Variants in PIK3C2G observed in about 807,000 individuals in gnomAD.
PIK3C2G encodes phosphatidylinositol 3-kinase C2 domain-containing subunit gamma.
In PIK3C2G, 168 loss-of-function variants were observed where a neutral mutation model predicts 181.1. The ratio of observed to expected loss-of-function variants is 0.93; its 90% CI spans 0.82 to 1.05. The LOEUF (loss-of-function observed/expected upper bound fraction) is 1.05. Among genes scored for constraint, PIK3C2G ranks in the 50% least tolerant of loss-of-function variants. The pLI, the probability that PIK3C2G is intolerant of heterozygous loss-of-function variation, is 0.00. For synonymous variants in PIK3C2G, 573 were observed against 592.2 expected (o/e 0.97, Z 0.47); for missense variants, 1,869 against 1,732.8 (o/e 1.08, Z -1.40).
intron 1 of PIK3C2G, among the ~76,000 whole-genome samples, chr12:18,271,625 T>A (rs1948748238): frequency 6.6e-6 from 1 of 152,146 alleles, no homozygotes; most frequent in African/African-American, 2.4e-5. Context: ...TTCTCCTACC[T>A]CTCAGACTAT....
At chr12:18,594,951 G>T (rs570088338) in intron 30 of PIK3C2G, among the ~76,000 whole-genome samples, 6 of 151,906 alleles carry the variant, frequency 3.9e-5, no homozygotes, top group Non-Finnish European at 5.9e-5. Context: ...AAAAATTTAG[G>T]ATTATTATTG....
intron 22 of PIK3C2G, among the ~76,000 whole-genome samples, chr12:18,500,673 GT>G (rs1941397792): frequency 2.0e-5 from 3 of 152,144 alleles, no homozygotes; most frequent in Admixed American, 2.0e-4. Context: ...AATCAGCGCC[GT>G]GTCAAAACAG....
At chr12:18,686,311 T>A in the PIK3C2G span, among the ~76,000 whole-genome samples, 1 of 152,010 alleles carries the variant, frequency 6.6e-6, no homozygotes, top group Non-Finnish European at 1.5e-5. Context: ...CTTAAAAGTC[T>A]GAATTTTATC....
At chr12:18,604,503 C>T (rs184873260) in intron 30 of PIK3C2G, among the ~76,000 whole-genome samples, 27 of 152,248 alleles carry the variant, frequency 1.8e-4, no homozygotes, top group African/African-American at 6.3e-4. Flanking sequence ...AGAAAGTCAA[C>T]TGAGAAACAA....
At chr12:18,293,877 T>A in intron 4 of PIK3C2G, 24 bp from the exon 5 acceptor site, 1 of 1,173,662 alleles carries the variant, frequency 8.5e-7, no homozygotes, top group Non-Finnish European at 1.3e-6. Context: ...TTTATTGACT[T>A]TTATTATTCC....
intron 18 of PIK3C2G, among the ~76,000 whole-genome samples, chr12:18,437,633 A>G (rs1946516914): frequency 1.3e-5 from 2 of 151,978 alleles, no homozygotes; most frequent in Non-Finnish European, 2.9e-5. Context: ...CACTAGGCCC[A>G]TATGTTCCTG....
the PIK3C2G span, chr12:18,700,074 A>G: frequency 1.3e-6 from 1 of 793,224 alleles, no homozygotes; most frequent in Non-Finnish European, 2.1e-6. Flanking sequence ...TATCTCCTCA[A>G]ACACCATTTG....
intron 18 of PIK3C2G, among the ~76,000 whole-genome samples, chr12:18,461,330 A>G (rs1947909557): frequency 6.6e-6 from 1 of 152,176 alleles, no homozygotes; most frequent in Admixed American, 6.6e-5. Flanking sequence ...TTGGACATTC[A>G]AACAAAAGTT....
At chr12:18,566,482 T>C (rs1238444043) in intron 28 of PIK3C2G, among the ~76,000 whole-genome samples, 6 of 152,182 alleles carry the variant, frequency 3.9e-5, no homozygotes, top group Non-Finnish European at 5.9e-5. Context: ...GGGGAAAGTG[T>C]TACTATTTTC....
chr12:18,349,891 A>T (rs1368501971), intron 11 of PIK3C2G, among the ~76,000 whole-genome samples: 1 of 152,200 alleles, frequency 6.6e-6, no homozygotes, highest in African/African-American at 2.4e-5. Context: ...CTCGATAAAG[A>T]TTGGTTAAAA....
chr12:18,327,211 G>T (rs904368288), intron 8 of PIK3C2G, among the ~76,000 whole-genome samples: 29 of 152,030 alleles, frequency 1.9e-4, no homozygotes, highest in Admixed American at 1.2e-3. Context: ...GTTCTTTAAT[G>T]AGATTTTTGC....
chr12:18,391,859 A>G (rs1006957574), intron 15 of PIK3C2G, among the ~76,000 whole-genome samples: 2 of 144,968 alleles, frequency 1.4e-5, no homozygotes, highest in Non-Finnish European at 3.1e-5. Context: ...CTCTCTCTCT[A>G]TCTCTTTGTG....
At chr12:18,529,583 C>T (rs1418531016) in intron 24 of PIK3C2G, among the ~76,000 whole-genome samples, 1 of 152,120 alleles carries the variant, frequency 6.6e-6, no homozygotes, top group Non-Finnish European at 1.5e-5. Flanking sequence ...ATGTAGGTAA[C>T]ACTTGAAAAT....
At chr12:18,655,562 A>G in the PIK3C2G span, among the ~76,000 whole-genome samples, 6 of 152,144 alleles carry the variant, frequency 3.9e-5, no homozygotes, top group African/African-American at 1.4e-4. Context: ...TATAATATGG[A>G]AAAGAGGATT....
the PIK3C2G span, among the ~76,000 whole-genome samples, chr12:18,724,272 G>A: frequency 3.3e-5 from 5 of 152,086 alleles, no homozygotes; most frequent in East Asian, 3.9e-4. Context: ...AACAGACCTC[G>A]GTGAAATGAC....
In PIK3C2G at chr12:18,249,505, A is replaced by AC. The variant is rs578160463; in HGVS notation, c.-79+1425dup. ...CTCCTAGGCCCTGGTTAATCCATAA[A>AC]CCATGTTTCATAAATTAAATTGAAT... On this transcript the variant is annotated intron_variant, in intron 1 of 11. Transcript: ENST00000535651. 1.3e-4 allele frequency among the ~76,000 whole-genome samples: 20 copies of AC among 152,250 alleles called. 1 individual carries two copies. In the South Asian group the frequency reaches 4.1e-3, roughly 32 times the overall value.
the PIK3C2G span, among the ~76,000 whole-genome samples, chr12:18,691,515 A>G: frequency 3.3e-5 from 5 of 152,158 alleles, no homozygotes; most frequent in Non-Finnish European, 7.4e-5. Flanking sequence ...AAATATCTTA[A>G]GGGAAGGCAG....
rs1446506858 is a variant in PIK3C2G at position 18,548,954 on chromosome 12, A to G, written c.3590+2522A>G. Among the ~76,000 whole-genome samples, 3 of 151,966 alleles carry G rather than the reference A, an allele frequency of 2.0e-5. No homozygotes were observed. In the East Asian group the frequency reaches 5.8e-4, roughly 29 times the overall value. Reference sequence around the variant, plus strand: ...CTTTTCTGGATAGGCCATTCTCTCCATGTATATTCATTCCTGCATTGTCTG... The same window carrying G: ...CTTTTCTGGATAGGCCATTCTCTCCGTGTATATTCATTCCTGCATTGTCTG... On this transcript the variant is annotated intron_variant, in intron 26 of 32. Transcript: ENST00000538779.
chr12:18,392,598 C>A (rs574065377), intron 15 of PIK3C2G, among the ~76,000 whole-genome samples: 2 of 148,336 alleles, frequency 1.3e-5, no homozygotes, highest in African/African-American at 5.0e-5. Flanking sequence ...CTCAAAAAGT[C>A]CTTCTTTGGC....
Sources: allele counts gnomAD v4.1 joint callset (sites outside exome capture counted in the v4.1 genomes callset), GRCh38; gene constraint gnomAD v4.1.1; transcripts MANE v1.5; gene names NCBI Gene and HGNC (gene_info 2026-07-23, HGNC 2026-07-21).